The following LAT2 variants were observed in gnomAD, a reference collection of about 807,000 sequenced individuals.
LAT2 encodes the protein linker for activation of T-cells family member 2.
In LAT2, 23 loss-of-function variants were observed where a neutral mutation model predicts 43.4. The ratio of observed to expected loss-of-function variants is 0.53; its 90% confidence interval spans 0.38 to 0.75. The LOEUF (loss-of-function observed/expected upper bound fraction) is 0.75, where lower values mean the gene tolerates loss of function less well. Among genes scored for constraint, LAT2 ranks in the 30% least tolerant of loss-of-function variants. LAT2 has a pLI of 0.00. For missense variants in LAT2, 284 were observed against 310.2 expected (o/e 0.92, Z 0.64); for synonymous variants, 128 against 123.2 (o/e 1.04, Z -0.26).
At chr7:74,218,144 T>C (rs1802110569) in intron 4 of LAT2, among the ~76,000 whole-genome samples, 1 of 152,068 alleles carries the variant, frequency 6.6e-6, no homozygotes, top group African/African-American at 2.4e-5. Context: ...AGGGGAGCTG[T>C]TTGGTCTTCT....
At chr7:74,216,993 T>C in intron 4 of LAT2, 129 bp downstream of exon 4, 1 of 745,478 alleles carries the variant, frequency 1.3e-6, no homozygotes, top group South Asian at 1.6e-5. Flanking sequence ...TTCTAGTGGG[T>C]CCCTAGCCAT....
At chr7:74,218,176 C>T (rs1157778399) in intron 4 of LAT2, among the ~76,000 whole-genome samples, 1 of 152,192 alleles carries the variant, frequency 6.6e-6, no homozygotes, top group Non-Finnish European at 1.5e-5. Context: ...CTGTGCCTGC[C>T]TCTCCATCTG....
intron 10 of LAT2, among the ~76,000 whole-genome samples, chr7:74,222,855 A>T (rs542058198): frequency 1.3e-5 from 2 of 152,254 alleles, no homozygotes; most frequent in South Asian, 4.1e-4. Context: ...GATTACAGGC[A>T]TGAGCCACCC....
intron 2 of LAT2, among the ~76,000 whole-genome samples, chr7:74,215,607 C>T (rs141813387): frequency 7.2e-5 from 11 of 152,266 alleles, no homozygotes; most frequent in African/African-American, 2.6e-4. Flanking sequence ...CTCAGTTTCT[C>T]GATTTGTGAA....
At chr7:74,227,554 T>G (rs1802536412) in intron 13 of LAT2, among the ~76,000 whole-genome samples, 1 of 151,984 alleles carries the variant, frequency 6.6e-6, no homozygotes, top group Non-Finnish European at 1.5e-5. Flanking sequence ...TGGCTGGATG[T>G]TTCTAATTCA....
At chr7:74,228,165 TAAAAAAAAAAAAAAA>T (rs34339569) in intron 13 of LAT2, among the ~76,000 whole-genome samples, 5 of 22,430 alleles carry the variant, frequency 2.2e-4, no homozygotes, top group Admixed American at 1.6e-3. Context: ...AACTACGTCT[TAAAAAAAAAAAAAAA>T]AAAAAAAAAA....
chr7:74,221,410 C>CA (rs782694803), intron 9 of LAT2, among the ~76,000 whole-genome samples: 1,700 of 20,994 alleles, frequency 0.081, 256 homozygotes, highest in Non-Finnish European at 0.12. Flanking sequence ...GACTCTGTCT[C>CA]AAAAAAAAAA....
chr7:74,224,249 G>C (rs782562589), intron 12 of LAT2, 52 bp downstream of exon 12: 5 of 1,577,708 alleles, frequency 3.2e-6, no homozygotes, highest in Non-Finnish European at 4.3e-6. Flanking sequence ...AGGCTTGAGG[G>C]ACTGGCCTGG....
chr7:74,214,624 AT>A (rs1554713895), intron 1 of LAT2, among the ~76,000 whole-genome samples, 197 bp from the exon 2 acceptor site: 65 of 2,820 alleles, frequency 0.023, 24 homozygotes, highest in African/African-American at 0.085. Context: ...ATATATATGA[AT>A]ATATATATAT....
In LAT2 at chr7:74,220,304, A is replaced by G. The variant is rs1193797434; in HGVS notation, c.265+50A>G. On this transcript the variant is annotated intron_variant, in intron 7 of 13. Coordinates refer to ENST00000460943, the MANE Select transcript of LAT2 (RefSeq NM_032464.3). This position sits in a 1 kb window ranked among gnomAD's most constrained non-coding sequence, Gnocchi z 4.5. ...GGACAGGCCTAGCCAAGCTGGGACT[A>G]AGACAGGCGAAAACCCCATGGGACA... 1.9e-6 allele frequency: 3 copies of G among 1,577,204 alleles called. No individual in the cohort carries two copies. Among genetic ancestry groups the G allele is most frequent in the South Asian group, 2.3e-5 (2 of 87,478 alleles).
chr7:74,213,686 G>A (rs1463685280), intron 1 of LAT2, among the ~76,000 whole-genome samples: 1 of 151,966 alleles, frequency 6.6e-6, no homozygotes, highest in Non-Finnish European at 1.5e-5. Flanking sequence ...GCCTCCCAAA[G>A]TGCTGGGATT....
At chr7:74,222,582 A>AT (rs797030417) in intron 10 of LAT2, among the ~76,000 whole-genome samples, 3,679 of 145,980 alleles carry the variant, frequency 0.025, 157 homozygotes, top group African/African-American at 0.086. Context: ...TGCCACCTCC[A>AT]TTTTTTTTTT....
chr7:74,214,801 T>A (rs1157052011), intron 1 of LAT2, 21 bp from the exon 2 acceptor site: 13 of 115,204 alleles, frequency 1.1e-4, no homozygotes, highest in African/African-American at 2.6e-4. Flanking sequence ...ATTTTTTTTT[T>A]TTTTTGTATT....
chr7:74,214,748 AATATATATATATAAAC>A (rs1477386679), intron 1 of LAT2, 58 bp from the exon 2 acceptor site: 4 of 81,360 alleles, frequency 4.9e-5, no homozygotes, highest in African/African-American at 2.5e-4. Flanking sequence ...AAAATATATA[AATATATATATATAAAC>A]ATATATATAT....
At chr7:74,228,561 G>A (rs550693130) in intron 13 of LAT2, among the ~76,000 whole-genome samples, 8 of 150,592 alleles carry the variant, frequency 5.3e-5, no homozygotes, top group Non-Finnish European at 8.9e-5. Flanking sequence ...CGAGGTGGGC[G>A]GATCACGAGG....
chr7:74,218,279 G>C (rs782705413), intron 4 of LAT2, among the ~76,000 whole-genome samples: 3 of 152,178 alleles, frequency 2.0e-5, no homozygotes, highest in Admixed American at 2.0e-4. Context: ...AGGAAGCCAC[G>C]TCTGACTGAC....
At chr7:74,227,627 G>A (rs1802538556) in intron 13 of LAT2, among the ~76,000 whole-genome samples, 1 of 152,196 alleles carries the variant, frequency 6.6e-6, no homozygotes, top group Non-Finnish European at 1.5e-5. Context: ...AGCCCAGGAA[G>A]GACCCAGGCA....
At position 74,224,218 on chromosome 7, in the gene LAT2, G is replaced by T. The variant is rs1554715757; in HGVS notation, c.628+21G>T. 4 of 1,608,868 alleles carry T rather than the reference G, an allele frequency of 2.5e-6. No homozygotes were observed. In the East Asian group the frequency reaches 6.7e-5, roughly 27 times the overall value. ...CATGGGTAGGTGGCCGGGAGAAGAGGCAGGGTGGTCCACTTAGGGCAGGCT... is the reference window on the plus strand; with the variant it reads ...CATGGGTAGGTGGCCGGGAGAAGAGTCAGGGTGGTCCACTTAGGGCAGGCT... On this transcript the variant is annotated intron_variant, in intron 12 of 13. Transcript: ENST00000460943.
intron 1 of LAT2, among the ~76,000 whole-genome samples, chr7:74,213,060 T>C (rs1554713378): frequency 6.6e-6 from 1 of 152,178 alleles, no homozygotes; most frequent in Non-Finnish European, 1.5e-5. Flanking sequence ...CAGGTCCTGG[T>C]GGACCTCAGG....
Sources: gnomAD v4.1 joint callset for allele counts (sites outside exome capture counted in the v4.1 genomes callset) on GRCh38, gnomAD v4.1.1 for gene constraint, Gnocchi (gnomAD v3.1) non-coding constraint, MANE v1.5 for transcripts, NCBI Gene and HGNC (gene_info 2026-07-23, HGNC 2026-07-21) for gene names.